The following NPC1 variants were observed in gnomAD, a reference collection of about 807,000 sequenced individuals.
The protein encoded by NPC1 is NPC intracellular cholesterol transporter 1.
A neutral mutation model predicts 140.4 loss-of-function variants in NPC1; 85 were observed. That is an observed-to-expected ratio of 0.61 (90% CI 0.51 to 0.72). NPC1 has a LOEUF of 0.72. NPC1 is among the 30% of genes least tolerant of loss of function. The probability of loss-of-function intolerance (pLI) is 0.00; values close to 1 mark genes in which losing one functional copy is unlikely to be tolerated. For synonymous variants in NPC1, 656 were observed against 624.8 expected (o/e 1.05, Z -0.74); for missense variants, 1,504 against 1,623.8 (o/e 0.93, Z 1.27).
rs146040165 is a variant in NPC1, at chr18:23,516,933, C to T, written c.432-10291G>A. Reference sequence around the variant, plus strand: ...TAGAGACAGGGCTTCACCATGTTGGCCAGGCTGGTCTCGAACTCCTGACCT... The same window carrying T: ...TAGAGACAGGGCTTCACCATGTTGGTCAGGCTGGTCTCGAACTCCTGACCT... On this transcript the variant is annotated intron_variant, in intron 3 of 3. Coordinates refer to the NPC1 transcript ENST00000591107. Among the ~76,000 whole-genome samples, 3,489 of 151,994 alleles carry T rather than the reference C, an allele frequency of 0.023. 240 individuals carry two copies. In the East Asian group the frequency reaches 0.29, roughly 13 times the overall value.
downstream of NPC1, among the ~76,000 whole-genome samples, chr18:23,524,941 CT>C (rs5823396): frequency 0.013 from 892 of 69,198 alleles, 2 homozygotes; most frequent in African/African-American, 0.043. Context: ...TTAGAGAAAT[CT>C]TTTTTTTTTT....
chr18:23,579,481 T>C (rs2059331802), intron 1 of NPC1, among the ~76,000 whole-genome samples: 1 of 152,208 alleles, frequency 6.6e-6, no homozygotes, highest in South Asian at 2.1e-4. Flanking sequence ...TTTCTATTTT[T>C]AAAGGTTAGA....
chr18:23,576,493 G>A, intron 1 of NPC1: 1 of 987,312 alleles, frequency 1.0e-6, no homozygotes, highest in Non-Finnish European at 1.2e-6. Flanking sequence ...AGCACTGGCG[G>A]TGTCCTAGGC....
chr18:23,554,694 T>C, intron 9 of NPC1, 64 bp downstream of exon 9: 1 of 1,257,988 alleles, frequency 7.9e-7, no homozygotes. Flanking sequence ...AACAAGCTTT[T>C]GCCCATGTAC....
In NPC1 at chr18:23,556,634, G is replaced by GGGAA. The variant is rs1567965982; in HGVS notation, c.956-25_956-22dup. ...CTCTCCTGGAAGAACGGGAGAGGAA[G>GGGAA]GGAAGGTGGAGGTTAAGAGCCAAGC... On this transcript the variant is annotated intron_variant, in intron 7 of 24. Coordinates refer to ENST00000269228, the MANE Select transcript of NPC1 (RefSeq NM_000271.5). The GGGAA allele has an allele frequency of 2.5e-6, 4 of 1,613,580 alleles. No homozygotes were observed. The East Asian group carries it at 6.7e-5, about 27-fold the overall frequency.
At chr18:23,534,254 G>C (rs2058589920) in intron 23 of NPC1, 192 bp downstream of exon 23, 2 of 648,586 alleles carry the variant, frequency 3.1e-6, no homozygotes, top group Non-Finnish European at 5.6e-6. Context: ...ACCTAAAAAG[G>C]AGCCGTACCA....
chr18:23,530,777 G>T (rs2058471876), downstream of NPC1, among the ~76,000 whole-genome samples: 1 of 152,160 alleles, frequency 6.6e-6, no homozygotes, highest in Non-Finnish European at 1.5e-5. Flanking sequence ...AGTGAATTCA[G>T]TATACTGACA....
At position 23,544,982 on chromosome 18, in the gene NPC1, A is replaced by G. The variant is rs1342552552; in HGVS notation, c.1925T>C (p.Met642Thr). The G allele has an allele frequency of 1.5e-6, 2 of 1,320,222 alleles. No individual in the cohort carries two copies. Among genetic ancestry groups the G allele is most frequent in the Non-Finnish European group, 2.1e-6 (2 of 952,276 alleles). The allele number at this position is 1,320,222 out of a possible 1,614,324, so 81.8% of individuals were successfully genotyped here. ...FLYISLALGH[M>T]KSCRRLLVDS... ...TACCAGAAGCCTGCGACAGCTTTTC[A>G]TGTGCCCCAAGGCTAGGGAAATATA... is the stretch of plus-strand genomic sequence containing the variant. The change falls in exon 12 of 25, where the codon ATG (methionine) becomes ACG (threonine). Residue 642 changes from methionine to threonine, a missense_variant. By Grantham distance (81) the Met-to-Thr change is moderately conservative (BLOSUM62 -1). Coordinates refer to ENST00000269228, the MANE Select transcript of NPC1 (RefSeq NM_000271.5).
chr18:23,536,578 C>T, intron 21 of NPC1, 95 bp downstream of exon 21: 2 of 1,109,678 alleles, frequency 1.8e-6, no homozygotes, highest in Non-Finnish European at 2.7e-6. Context: ...AGAACCCAAC[C>T]TGAAAATCAG....
chr18:23,553,694 T>G (rs1034183359), intron 9 of NPC1, among the ~76,000 whole-genome samples: 4 of 151,884 alleles, frequency 2.6e-5, no homozygotes, highest in Non-Finnish European at 4.4e-5. Context: ...TCAGGGAGAG[T>G]AGGCCCATCC....
intron 19 of NPC1, chr18:23,539,019 T>C (rs949245431): frequency 2.2e-6 from 1 of 447,236 alleles, no homozygotes; most frequent in Non-Finnish European, 4.1e-6. Context: ...AACCACAGGG[T>C]AAAGTGATAA....
At chr18:23,570,585 C>G (rs754550937) in intron 3 of NPC1, among the ~76,000 whole-genome samples, 1 of 152,242 alleles carries the variant, frequency 6.6e-6, no homozygotes, top group East Asian at 1.9e-4. Flanking sequence ...CTATCACCAC[C>G]TGCAGTGATA....
At chr18:23,529,693 A>G, downstream of NPC1, 2 of 1,614,062 alleles carry the variant, frequency 1.2e-6, no homozygotes, top group Non-Finnish European at 1.7e-6. Context: ...TCTCTTAACC[A>G]GTTTCAGATT....
intron 1 of NPC1, among the ~76,000 whole-genome samples, chr18:23,577,889 T>C (rs948423404): frequency 2.2e-4 from 33 of 152,334 alleles, no homozygotes; most frequent in East Asian, 3.9e-4. Context: ...AAGTCCCCCA[T>C]TGCCCGGGGC....
chr18:23,556,371 C>T lies in NPC1; in HGVS notation c.1198G>A (p.Gly400Arg). The change falls in exon 8 of 25, where the codon GGG (glycine) becomes AGG (arginine). Residue 400 changes from glycine (G) to arginine (R), a missense_variant. Gly to Arg is a moderately radical substitution (Grantham distance 125). Transcript: ENST00000269228. ...AGCTGCTCCGTCCGGAAGAAAGGCC[C>T]AAAGTGCTGGTCAAAGTACTCTTTT... is the stretch of plus-strand genomic sequence containing the variant. The part of the protein sequence containing the change: ...LEKEYFDQHF[G>R]PFFRTEQLII... 6.2e-7 allele frequency: 1 copy of T among 1,614,094 alleles called. No homozygotes were observed. Among genetic ancestry groups the T allele is most frequent in the Non-Finnish European group, 8.5e-7 (1 of 1,180,022 alleles).
At chr18:23,511,739 G>A (rs547678191) in intron 3 of NPC1, among the ~76,000 whole-genome samples, 1 of 151,480 alleles carries the variant, frequency 6.6e-6, no homozygotes, top group East Asian at 1.9e-4. Context: ...TGGATGGACT[G>A]CAGTTTAAAA....
rs201118975 is a variant in NPC1, at chr18:23,538,610, C to T, written c.2973G>A (p.Gln991=). ...GCAGGAATCTCATGAAGTCTCCCCCCTGAGGCCTCTGTTTGCCTTCCGGAG... is the reference window on the plus strand; with the variant it reads ...GCAGGAATCTCATGAAGTCTCCCCCTTGAGGCCTCTGTTTGCCTTCCGGAG... ...PLTPEGKQRP[Q]GGDFMRFLPM... is the part of the protein sequence containing the mutation. The change falls in exon 20 of 25, where the codon CAG becomes CAA. Residue 991 remains glutamine (Q), a synonymous_variant. Transcript: ENST00000269228. 283 of 1,614,020 alleles carry T rather than the reference C, an allele frequency of 1.8e-4. No individual in the cohort carries two copies. The highest frequency in any genetic ancestry group is 2.3e-4 in the Non-Finnish European group (276 of 1,180,002).
At chr18:23,535,318 C>G in intron 22 of NPC1, 151 bp downstream of exon 22, 1 of 709,982 alleles carries the variant, frequency 1.4e-6, no homozygotes, top group South Asian at 1.5e-5. Flanking sequence ...AGCACTCCTC[C>G]AGCACTCATC....
At chr18:23,585,636 A>G (rs1306905894) in intron 1 of NPC1, among the ~76,000 whole-genome samples, 1 of 152,218 alleles carries the variant, frequency 6.6e-6, no homozygotes. Flanking sequence ...TATTAAACCA[A>G]GCAAAAGCCC....
Sources: allele counts gnomAD v4.1 joint callset (sites outside exome capture counted in the v4.1 genomes callset), GRCh38; gene constraint gnomAD v4.1.1; transcripts MANE v1.5; gene names NCBI Gene and HGNC (gene_info 2026-07-23, HGNC 2026-07-21).